Variants in C5 observed in about 807,000 individuals in gnomAD.
The protein encoded by C5 is C3 and PZP-like alpha-2-macroglobulin domain-containing protein 4.
Under a neutral mutation model 218.8 loss-of-function variants are expected in C5, and 140 were observed. The ratio of observed to expected loss-of-function variants is 0.64; its 90% confidence interval spans 0.56 to 0.74. C5 has a LOEUF of 0.74. Ranked by LOEUF, C5 falls within the 30% of genes least tolerant of loss-of-function variation. The pLI is 0.00. For missense variants in C5, 1,700 were observed against 1,969.6 expected (o/e 0.86, Z 2.59); for synonymous variants, 614 against 682.3 (o/e 0.90, Z 1.56).
intron 40 of C5, 27 bp downstream of exon 40, chr9:120,953,703 A>C (rs955421511): frequency 8.7e-6 from 14 of 1,611,526 alleles, no homozygotes; most frequent in Non-Finnish European, 1.1e-5. Flanking sequence ...AGGGAAGATC[A>C]GTGACTGAAA....
intron 1 of C5, among the ~76,000 whole-genome samples, chr9:121,048,143 G>T (rs1220650826): frequency 6.6e-6 from 1 of 152,148 alleles, no homozygotes; most frequent in Non-Finnish European, 1.5e-5. Context: ...AAAGAGTTTT[G>T]TAATTAGAAA....
intron 16 of C5, 136 bp downstream of exon 16, chr9:121,015,063 T>C: frequency 4.7e-6 from 3 of 642,644 alleles, no homozygotes; most frequent in Non-Finnish European, 8.2e-6. Flanking sequence ...CTGAGAGAGA[T>C]AAGCTAGACC....
chr9:121,028,222 A>C (rs2047442010), intron 7 of C5, among the ~76,000 whole-genome samples: 1 of 152,252 alleles, frequency 6.6e-6, no homozygotes, highest in Non-Finnish European at 1.5e-5. Flanking sequence ...GTGGAGAAAT[A>C]GGAACGCTTT....
chr9:120,982,534 C>A (rs2131698698), intron 26 of C5, 121 bp downstream of exon 26: 1 of 825,490 alleles, frequency 1.2e-6, no homozygotes, highest in Non-Finnish European at 2.0e-6. Flanking sequence ...TGCTTGTTCA[C>A]AAAGGAATTT....
At chr9:120,967,747 G>A (rs1406491202) in intron 33 of C5, among the ~76,000 whole-genome samples, 1 of 151,684 alleles carries the variant, frequency 6.6e-6, no homozygotes, top group Admixed American at 6.6e-5. Flanking sequence ...TTGGAGACAA[G>A]GTCTCAATTT....
At chr9:120,958,070 G>C (rs1006996286) in intron 38 of C5, among the ~76,000 whole-genome samples, 1 of 152,140 alleles carries the variant, frequency 6.6e-6, no homozygotes, top group Non-Finnish European at 1.5e-5. Flanking sequence ...TGAAATTAGT[G>C]ACCTAAAAGA....
chr9:121,024,389 A>G (rs2047401401), intron 9 of C5, among the ~76,000 whole-genome samples: 1 of 145,250 alleles, frequency 6.9e-6, no homozygotes, highest in East Asian at 2.1e-4. Context: ...AGGGGACATG[A>G]CCAGACAACT....
At chr9:120,982,249 A>T (rs528007363) in intron 26 of C5, among the ~76,000 whole-genome samples, 1 of 152,292 alleles carries the variant, frequency 6.6e-6, no homozygotes, top group African/African-American at 2.4e-5. Context: ...TGACCTCATG[A>T]TCCGCCCGCC....
intron 12 of C5, among the ~76,000 whole-genome samples, chr9:121,018,742 A>AAAG (rs201460198): frequency 2.0e-5 from 2 of 99,166 alleles, no homozygotes; most frequent in East Asian, 2.8e-4. Context: ...GGAAGGAAGG[A>AAAG]AAGGAAGGAA....
chr9:121,025,796 TCACATG>T, intron 8 of C5: 1 of 476,878 alleles, frequency 2.1e-6, no homozygotes, highest in South Asian at 2.2e-5. Context: ...GTCTTGAACA[TCACATG>T]GTCCAACAGG....
chr9:120,992,615 C>G lies in C5; in HGVS notation c.2852-1335G>C, dbSNP rs75273152. ...TCAATTCCATTGGCAACTCTACTACCAGGTGGAAAAGGTAAAGAGAAAGTT... is the reference window on the plus strand; with the variant it reads ...TCAATTCCATTGGCAACTCTACTACGAGGTGGAAAAGGTAAAGAGAAAGTT... On this transcript the variant is annotated intron_variant, in intron 22 of 40. Transcript: ENST00000223642. Among the ~76,000 whole-genome samples the G allele has an allele frequency of 3.3e-5, 5 of 152,272 alleles. No individual in the cohort carries two copies. In the East Asian group the frequency reaches 9.6e-4, roughly 29 times the overall value.
Position 120,976,751 on chromosome 9 carries a change from G to A in C5, c.3813C>T (p.Ile1271=). Residue 1271 remains isoleucine (I), a synonymous_variant, in exon 29 of 41, where the codon ATC becomes ATT. Coordinates refer to ENST00000223642, the MANE Select transcript of C5 (RefSeq NM_001735.3). ...ACCTCTGCTCTTCTGATAGCCATTT[G>A]ATGACTGGGTTAACATAATTTATAT... The part of the protein sequence containing the change: ...LKDINYVNPV[I]KWLSEEQRYG... 1 of 1,614,144 alleles carries A rather than the reference G, an allele frequency of 6.2e-7. No homozygotes were observed. The highest frequency in any genetic ancestry group is 1.3e-5 in the African/African-American group (1 of 75,040).
chr9:121,019,982 A>G lies in C5; in HGVS notation c.1500T>C (p.Asn500=). The G allele has an allele frequency of 6.3e-7, 1 of 1,578,622 alleles. No individual in the cohort carries two copies. The highest frequency in any genetic ancestry group is 8.7e-7 in the Non-Finnish European group (1 of 1,147,870). ...SPYIDKITHY[N]YLILSKGKII... ...TCCATCATTATGTACTTACCAAGTA[A>G]TTATAGTGAGTTATTTTGTCAATAT... is the stretch of plus-strand genomic sequence containing the variant. The change falls in exon 12 of 41, where the codon AAT becomes AAC. Residue 500 remains asparagine, a synonymous_variant. Coordinates refer to ENST00000223642, the MANE Select transcript of C5 (RefSeq NM_001735.3).
rs369240162 is a variant in C5, at chr9:121,027,218, C to T, written c.815G>A (p.Arg272Lys). ...EADVYITFGI[R>K]EDLKDDQKEM... The stretch of plus-strand genomic sequence containing the variant: ...TTTTTGATCATCTTTTAAGTCTTCT[C>T]TTATTCCAAATGTGATATAAACGTC... The change falls in exon 8 of 41, where the codon AGA becomes AAA. Residue 272 changes from arginine to lysine, a missense_variant. By Grantham distance (26) the Arg-to-Lys change is conservative. Transcript: ENST00000223642. 2.9e-5 allele frequency: 46 copies of T among 1,603,872 alleles called. No homozygotes were observed. The highest frequency in any genetic ancestry group is 3.8e-5 in the Non-Finnish European group (45 of 1,172,138).
At chr9:120,992,157 G>A (rs1428857252) in intron 22 of C5, among the ~76,000 whole-genome samples, 1 of 152,214 alleles carries the variant, frequency 6.6e-6, no homozygotes, top group Non-Finnish European at 1.5e-5. Flanking sequence ...GCATATGGAA[G>A]ATGCTAAAGA....
intron 33 of C5, 38 bp downstream of exon 33, chr9:120,969,023 C>T (rs373241184): frequency 2.1e-5 from 33 of 1,547,408 alleles, no homozygotes; most frequent in Non-Finnish European, 2.7e-5. Flanking sequence ...AAAATGAGAA[C>T]TTGGAGTCTA....
At chr9:120,999,383 T>C (rs1401091239) in intron 20 of C5, among the ~76,000 whole-genome samples, 1 of 152,142 alleles carries the variant, frequency 6.6e-6, no homozygotes, top group Non-Finnish European at 1.5e-5. Context: ...ATTGGTGCCT[T>C]GGAGTGGCTA....
At chr9:121,002,316 G>GTGTGTGTGTGTATGTATATATATA (rs572345213) in intron 20 of C5, among the ~76,000 whole-genome samples, 1 of 87,406 alleles carries the variant, frequency 1.1e-5, no homozygotes, top group Non-Finnish European at 2.2e-5. Flanking sequence ...ATATGTGTGT[G>GTGTGTGTGTGTATGTATATATATA]TATATATATA....
At chr9:121,014,174 C>T (rs2047287383) in intron 16 of C5, 104 bp from the exon 17 acceptor site, 7 of 943,222 alleles carry the variant, frequency 7.4e-6, no homozygotes, top group Non-Finnish European at 1.0e-5. Flanking sequence ...TATATGATCC[C>T]CCTACCCACA....
Sources: allele counts gnomAD v4.1 joint callset (sites outside exome capture counted in the v4.1 genomes callset), GRCh38; gene constraint gnomAD v4.1.1; transcripts MANE v1.5; gene names NCBI Gene and HGNC (gene_info 2026-07-23, HGNC 2026-07-21).